The following WDR47 variants were observed in gnomAD, a reference collection of about 807,000 sequenced individuals.
WDR47 encodes the protein WD repeat domain 47, also known as WD repeat-containing protein 47.
Under a neutral mutation model 97.2 loss-of-function variants are expected in WDR47, and 32 were observed. That is an observed-to-expected ratio of 0.33 (90% CI 0.25 to 0.44). WDR47 has a LOEUF of 0.44. WDR47 is among the 20% of genes least tolerant of loss of function. The pLI is 1.00. For missense variants in WDR47, 782 were observed against 1,102.3 expected (o/e 0.71, Z 4.11); for synonymous variants, 375 against 373.5 (o/e 1.00, Z -0.05).
intron 1 of WDR47, among the ~76,000 whole-genome samples, chr1:109,033,106 C>A (rs1203013163): frequency 1.3e-5 from 2 of 151,886 alleles, no homozygotes; most frequent in African/African-American, 4.8e-5. Context: ...CCAGCCTGGC[C>A]AAGATGGTGA....
intron 2 of WDR47, among the ~76,000 whole-genome samples, chr1:109,019,774 T>C (rs751920566): frequency 3.3e-5 from 5 of 152,234 alleles, no homozygotes; most frequent in Non-Finnish European, 7.3e-5. Flanking sequence ...AGAACAAGTT[T>C]CATCCTACTT....
intron 9 of WDR47, 154 bp from the exon 10 acceptor site, chr1:108,986,834 T>C (rs1239401657): frequency 1.6e-6 from 1 of 641,874 alleles, no homozygotes; most frequent in Non-Finnish European, 2.5e-6. Context: ...TCTATGTTTT[T>C]CTTACTTTAT....
chr1:108,987,424 G>C (rs1658921002), intron 9 of WDR47, among the ~76,000 whole-genome samples: 2 of 151,982 alleles, frequency 1.3e-5, no homozygotes, highest in African/African-American at 4.8e-5. Flanking sequence ...AAAGTGCTGG[G>C]ATTACAGGTG....
At chr1:108,989,714 GAC>G (rs1323498957) in intron 9 of WDR47, among the ~76,000 whole-genome samples, 2 of 152,162 alleles carry the variant, frequency 1.3e-5, no homozygotes, top group South Asian at 2.1e-4. Flanking sequence ...TTTTTTTTGA[GAC>G]AGAGTTTTGC....
chr1:108,970,492 A>T lies in WDR47; in HGVS notation c.*938T>A, dbSNP rs1243560744. 1 of 152,682 alleles carries T rather than the reference A, an allele frequency of 6.5e-6. No individual in the cohort carries two copies. The highest frequency in any genetic ancestry group is 2.4e-5 in the African/African-American group (1 of 41,474). The allele number at this position is 152,682 out of a possible 1,614,324, so 9.5% of individuals were successfully genotyped here. On this transcript the variant is annotated 3_prime_UTR_variant, in exon 15 of 15. Transcript: ENST00000369962. ...ATTCTGCATTACACAAAACAGTGCAAGAAAAAAATCCAAATAAGCTTTTGG... is the reference window on the plus strand; with the variant it reads ...ATTCTGCATTACACAAAACAGTGCATGAAAAAAATCCAAATAAGCTTTTGG...
rs1662235170 is a variant in WDR47, at chr1:109,026,617, C to T, written c.-9-3096G>A. On this transcript the variant is annotated intron_variant, in intron 1 of 14. Coordinates refer to ENST00000369962, the MANE Select transcript of WDR47 (RefSeq NM_001142551.2). ...CTCTCAGAAAAAAATATTCCCTCCT[C>T]TGTAGGTTCTTAGAGGGCACATCAC... Among the ~76,000 whole-genome samples, 2 of 152,158 alleles carry T rather than the reference C, an allele frequency of 1.3e-5. 1 individual carries two copies. The highest frequency in any genetic ancestry group is 1.3e-4 in the Admixed American group (2 of 15,266).
At chr1:109,016,275 C>T (rs1028825304) in intron 3 of WDR47, among the ~76,000 whole-genome samples, 13 of 151,944 alleles carry the variant, frequency 8.6e-5, no homozygotes, top group African/African-American at 2.4e-4. Context: ...GGGTGGCACA[C>T]GCCTGCAGTC....
At chr1:108,986,422 T>C in intron 10 of WDR47, 101 bp downstream of exon 10, 4 of 1,052,480 alleles carry the variant, frequency 3.8e-6, no homozygotes, top group Non-Finnish European at 5.2e-6. Context: ...GGAAAGAAAG[T>C]AAGATTTGAA....
intron 1 of WDR47, among the ~76,000 whole-genome samples, chr1:109,037,961 T>C (rs1249006545): frequency 5.3e-5 from 8 of 152,028 alleles, no homozygotes; most frequent in Non-Finnish European, 2.9e-5. Flanking sequence ...GCCTCCCCAG[T>C]AGCTAGGACC....
intron 6 of WDR47, among the ~76,000 whole-genome samples, chr1:109,003,119 T>G (rs1293830677): frequency 6.6e-6 from 1 of 152,248 alleles, no homozygotes; most frequent in Non-Finnish European, 1.5e-5. Context: ...GGATACGTAT[T>G]CTGCTGTTGT....
intron 13 of WDR47, among the ~76,000 whole-genome samples, chr1:108,976,030 G>A (rs1301320601): frequency 2.6e-5 from 4 of 152,148 alleles, no homozygotes; most frequent in East Asian, 3.8e-4. Context: ...GGGCCAGGCC[G>A]TCAAGCGCCT....
rs1659681342 is a variant in WDR47 at position 108,995,571 on chromosome 1, A to G, written c.1691+9T>C. On this transcript the variant is annotated intron_variant, in intron 8 of 14. Coordinates refer to ENST00000369962, the MANE Select transcript of WDR47 (RefSeq NM_001142551.2). ...AATATTTCCAAGTTTTACAAAGTCAAGCACTTACATTTGGCTTCCACAAGG... is the reference window on the plus strand; with the variant it reads ...AATATTTCCAAGTTTTACAAAGTCAGGCACTTACATTTGGCTTCCACAAGG... The G allele has an allele frequency of 6.2e-7, 1 of 1,613,480 alleles. No homozygotes were observed. Among genetic ancestry groups the G allele is most frequent in the Admixed American group, 1.7e-5 (1 of 60,004 alleles).
intron 11 of WDR47, 138 bp downstream of exon 11, chr1:108,983,144 A>T: frequency 2.1e-6 from 2 of 941,770 alleles, no homozygotes; most frequent in Non-Finnish European, 2.9e-6. Context: ...ATGTAACTAA[A>T]CAATTAGAAT....
chr1:109,023,639 T>C (rs1662005076), intron 1 of WDR47, 118 bp from the exon 2 acceptor site: 2 of 990,382 alleles, frequency 2.0e-6, no homozygotes, highest in African/African-American at 1.6e-5. Context: ...TATTCTGAAG[T>C]GAAGTTAACT....
chr1:109,039,400 G>C (rs1242042688), intron 1 of WDR47, among the ~76,000 whole-genome samples: 2 of 151,976 alleles, frequency 1.3e-5, no homozygotes, highest in African/African-American at 2.4e-5. Flanking sequence ...TGGGATTACA[G>C]GCACACGCCA....
intron 13 of WDR47, among the ~76,000 whole-genome samples, chr1:108,979,830 T>C (rs1163963653): frequency 6.6e-6 from 1 of 152,216 alleles, no homozygotes; most frequent in African/African-American, 2.4e-5. Flanking sequence ...ATAAGCCTTA[T>C]TGAATTGCTT....
In WDR47 at chr1:108,995,709, G is replaced by A. The variant is rs760033141; in HGVS notation, c.1562C>T (p.Thr521Ile). 1 of 1,614,010 alleles carries A rather than the reference G, an allele frequency of 6.2e-7. No individual in the cohort carries two copies. The highest frequency in any genetic ancestry group is 2.2e-5 in the East Asian group (1 of 44,876). The change falls in exon 8 of 15, where the codon ACT (threonine) becomes ATT (isoleucine). Residue 521 changes from threonine (T) to isoleucine (I), a missense_variant. Thr to Ile is a moderately conservative substitution (Grantham distance 89). Coordinates refer to ENST00000369962, the MANE Select transcript of WDR47 (RefSeq NM_001142551.2). ...CTGACTAGAGTCTTGGGGTGGTGTA[G>A]TAAAACTAGTCACAGAAGAACCATT... ...GSNGSSVTSFTTPPQDSSQRL... is the reference protein window; with the variant it reads ...GSNGSSVTSFITPPQDSSQRL...
intron 3 of WDR47, 108 bp downstream of exon 3, chr1:109,017,410 C>T: frequency 3.4e-6 from 3 of 876,122 alleles, no homozygotes; most frequent in South Asian, 2.9e-5. Flanking sequence ...TGTTTACTCT[C>T]TGTTCAAGGC....
At chr1:109,023,291 A>G (rs1661982313) in intron 2 of WDR47, 64 bp downstream of exon 2, 5 of 1,500,866 alleles carry the variant, frequency 3.3e-6, no homozygotes, top group Non-Finnish European at 4.5e-6. Context: ...TATATATATT[A>G]CCTTATTAAT....
Sources: allele counts gnomAD v4.1 joint callset (sites outside exome capture counted in the v4.1 genomes callset), GRCh38; gene constraint gnomAD v4.1.1; transcripts MANE v1.5; gene names NCBI Gene and HGNC (gene_info 2026-07-23, HGNC 2026-07-21).